MSI2: variants seen among roughly 807,000 people sequenced by gnomAD.
MSI2 encodes the protein musashi RNA binding protein 2.
A neutral mutation model predicts 45.6 loss-of-function variants in MSI2; 17 were observed. The ratio of observed to expected loss-of-function variants is 0.37; its 90% CI spans 0.26 to 0.56. MSI2 has a LOEUF of 0.56. Among genes scored for constraint, MSI2 ranks in the 20% least tolerant of loss-of-function variants. The pLI, the probability that MSI2 is intolerant of heterozygous loss-of-function variation, is 0.77. For missense variants in MSI2, 293 were observed against 444.2 expected (o/e 0.66, Z 3.06); for synonymous variants, 156 against 158.2 (o/e 0.99, Z 0.11).
At chr17:57,489,780 G>A (rs1004250775) in intron 6 of MSI2, among the ~76,000 whole-genome samples, 2 of 152,236 alleles carry the variant, frequency 1.3e-5, no homozygotes, top group Non-Finnish European at 2.9e-5. Flanking sequence ...AGACACTGGT[G>A]ACCCAACCTT....
chr17:57,690,591 C>G, the MSI2 span, among the ~76,000 whole-genome samples: 1 of 152,184 alleles, frequency 6.6e-6, no homozygotes, highest in Non-Finnish European at 1.5e-5. Context: ...TGTACTCCAG[C>G]CTAGGTGACA....
chr17:57,651,477 A>G (rs866073317), intron 10 of MSI2, among the ~76,000 whole-genome samples: 72 of 151,896 alleles, frequency 4.7e-4, no homozygotes, highest in African/African-American at 1.7e-3. Context: ...CTCCATGTGT[A>G]TGCAATCACC....
At position 57,569,884 on chromosome 17, in the gene MSI2, T is replaced by C. The variant is rs555463679; in HGVS notation, c.455-26984T>C. ...TAGGGTGCAGTGCAGGATCCTAAGA[T>C]GGTGTAGCAGGAGGCCACTCCCTGG... On this transcript the variant is annotated intron_variant, in intron 7 of 13. Transcript: ENST00000284073. Among the ~76,000 whole-genome samples the C allele has an allele frequency of 4.6e-5, 7 of 152,278 alleles. No individual in the cohort carries two copies. The South Asian group carries it at 1.5e-3, about 32-fold the overall frequency.
chr17:57,609,632 A>G (rs373687368), intron 8 of MSI2, among the ~76,000 whole-genome samples: 20 of 152,336 alleles, frequency 1.3e-4, no homozygotes, highest in African/African-American at 4.8e-4. Flanking sequence ...GGGAAAAACA[A>G]AAGCCCTTTA....
chr17:57,487,379 C>T (rs143741451), intron 6 of MSI2, among the ~76,000 whole-genome samples: 1 of 152,204 alleles, frequency 6.6e-6, no homozygotes, highest in African/African-American at 2.4e-5. Context: ...TTTTCTGTCC[C>T]CACATCTCCA....
chr17:57,661,391 G>A (rs1397754569), intron 11 of MSI2, among the ~76,000 whole-genome samples: 3 of 152,194 alleles, frequency 2.0e-5, no homozygotes, highest in Non-Finnish European at 4.4e-5. Flanking sequence ...CAGGGAATAT[G>A]GGCTTGAAGA....
intron 6 of MSI2, among the ~76,000 whole-genome samples, chr17:57,524,197 C>T (rs558757997): frequency 1.3e-5 from 2 of 152,346 alleles, no homozygotes; most frequent in African/African-American, 4.8e-5. Flanking sequence ...ACTTGCAAAT[C>T]CTCTTAAGGC....
intron 4 of MSI2, among the ~76,000 whole-genome samples, chr17:57,259,555 C>G (rs551123319): frequency 6.6e-6 from 1 of 152,162 alleles, no homozygotes; most frequent in Non-Finnish European, 1.5e-5. Flanking sequence ...GGAATGCGTG[C>G]CTTCTCCTAA....
At chr17:57,477,180 G>A (rs1332154355) in intron 6 of MSI2, among the ~76,000 whole-genome samples, 2 of 147,828 alleles carry the variant, frequency 1.4e-5, no homozygotes, top group Non-Finnish European at 3.0e-5. Context: ...GTGTGTGTGT[G>A]TGTGTGTGTG....
intron 6 of MSI2, among the ~76,000 whole-genome samples, chr17:57,445,103 C>G (rs2084872291): frequency 6.6e-6 from 1 of 152,160 alleles, no homozygotes; most frequent in Non-Finnish European, 1.5e-5. Context: ...CTGCCAGTGT[C>G]CCAAAGAGAG....
At chr17:57,679,444 A>G (rs1913465600) in intron 13 of MSI2, 105 bp from the exon 14 acceptor site, 1 of 485,818 alleles carries the variant, frequency 2.1e-6, no homozygotes, top group Non-Finnish European at 2.8e-6. Context: ...AACTCTAGTT[A>G]AAACAGTGGA....
At chr17:57,528,253 GC>G (rs2144053096) in intron 6 of MSI2, among the ~76,000 whole-genome samples, 1 of 152,312 alleles carries the variant, frequency 6.6e-6, no homozygotes, top group South Asian at 2.1e-4. Flanking sequence ...AAAGATGTGT[GC>G]TCTGTGGGAT....
chr17:57,411,892 A>C (rs931703911), intron 6 of MSI2, among the ~76,000 whole-genome samples: 1 of 151,982 alleles, frequency 6.6e-6, no homozygotes, highest in Non-Finnish European at 1.5e-5. Flanking sequence ...TTGTAATCCC[A>C]GCTACTCAGA....
intron 11 of MSI2, among the ~76,000 whole-genome samples, chr17:57,658,572 C>T (rs1266372632): frequency 1.3e-5 from 2 of 152,208 alleles, no homozygotes; most frequent in Non-Finnish European, 2.9e-5. Flanking sequence ...GGATAAAATA[C>T]ATCAGCTCTA....
chr17:57,368,136 T>A (rs944021492), intron 5 of MSI2, among the ~76,000 whole-genome samples: 6 of 152,232 alleles, frequency 3.9e-5, no homozygotes, highest in Admixed American at 3.3e-4. Flanking sequence ...TTTAAGACTT[T>A]GTGTTTTTCA....
chr17:57,272,631 A>G (rs1418273049), intron 5 of MSI2, among the ~76,000 whole-genome samples: 3 of 152,226 alleles, frequency 2.0e-5, no homozygotes, highest in Admixed American at 2.0e-4. Flanking sequence ...CTCAAGAACA[A>G]GAAAAGCTGC....
intron 7 of MSI2, among the ~76,000 whole-genome samples, chr17:57,563,351 G>A (rs1366732155): frequency 6.6e-6 from 1 of 152,042 alleles, no homozygotes; most frequent in Non-Finnish European, 1.5e-5. Flanking sequence ...TGGTTCCTGT[G>A]GAAAGTTCTG....
intron 5 of MSI2, among the ~76,000 whole-genome samples, chr17:57,394,379 A>C (rs2144099894): frequency 6.6e-6 from 1 of 152,282 alleles, no homozygotes; most frequent in East Asian, 1.9e-4. Context: ...ACCTGCCATA[A>C]GATTGACATG....
At chr17:57,438,672 A>C (rs1289646256) in intron 6 of MSI2, among the ~76,000 whole-genome samples, 1 of 152,134 alleles carries the variant, frequency 6.6e-6, no homozygotes, top group East Asian at 1.9e-4. Context: ...TTAAAAATAC[A>C]GTATTTTAGG....
Sources: gnomAD v4.1 joint callset for allele counts (sites outside exome capture counted in the v4.1 genomes callset) on GRCh38, gnomAD v4.1.1 for gene constraint, MANE v1.5 for transcripts, NCBI Gene and HGNC (gene_info 2026-07-23, HGNC 2026-07-21) for gene names.